Variants in CFAP221 observed in about 807,000 individuals in gnomAD.
CFAP221 encodes the protein cilia- and flagella-associated protein 221.
In CFAP221, 97 loss-of-function variants were observed where a neutral mutation model predicts 113.1. The observed-to-expected ratio is 0.86, with a 90% CI of 0.73 to 1.02. The LOEUF is 1.02. CFAP221 is among the 50% of genes least tolerant of loss of function. The pLI is 0.00. For synonymous variants in CFAP221, 331 were observed against 354.4 expected (o/e 0.93, Z 0.74); for missense variants, 1,025 against 1,013.4 (o/e 1.01, Z -0.16).
chr2:119,545,671 A>G (rs1282633775), intron 1 of CFAP221, among the ~76,000 whole-genome samples: 1 of 152,198 alleles, frequency 6.6e-6, no homozygotes, highest in Non-Finnish European at 1.5e-5. Flanking sequence ...CAAATATTCT[A>G]AGAAACTCAT....
chr2:119,568,460 A>G (rs1681800317), intron 6 of CFAP221, among the ~76,000 whole-genome samples: 2 of 152,082 alleles, frequency 1.3e-5, no homozygotes, highest in Non-Finnish European at 2.9e-5. Flanking sequence ...AGCATGCATT[A>G]GCTATTTTTC....
intron 12 of CFAP221, among the ~76,000 whole-genome samples, chr2:119,608,848 T>A (rs559428425): frequency 3.9e-5 from 6 of 152,328 alleles, no homozygotes; most frequent in Non-Finnish European, 7.3e-5. Context: ...CATTGTATAA[T>A]TTTTTGAAAA....
At chr2:119,549,728 A>G (rs187157390) in intron 3 of CFAP221, among the ~76,000 whole-genome samples, 106 of 152,280 alleles carry the variant, frequency 7.0e-4, no homozygotes, top group Non-Finnish European at 2.5e-4. Context: ...TCAGATGCCC[A>G]TGCCTAATCA....
At chr2:119,606,144 C>T (rs904109600) in intron 11 of CFAP221, among the ~76,000 whole-genome samples, 29 of 151,992 alleles carry the variant, frequency 1.9e-4, no homozygotes, top group Admixed American at 6.5e-5. Context: ...GCTGGGAGCA[C>T]AGGTGCGTGC....
In CFAP221 at chr2:119,656,378, G is replaced by A; in HGVS notation, c.2431G>A (p.Ala811Thr). The change falls in exon 24 of 24, where the codon GCA (alanine) becomes ACA (threonine). Residue 811 changes from alanine (A) to threonine (T), a missense_variant. Transcript: ENST00000413369. The part of the protein sequence containing the change: ...IRKEKEVKDQ[A>T]QPAEKAGEKL... Reference sequence around the variant, plus strand: ...GATACTCAGAGAAGTGAAAGATCAAGCACAACCAGCAGAGAAGGCCGGAGA... The same window carrying A: ...GATACTCAGAGAAGTGAAAGATCAAACACAACCAGCAGAGAAGGCCGGAGA... 6.2e-7 allele frequency: 1 copy of A among 1,614,028 alleles called. No individual in the cohort carries two copies. The highest frequency in any genetic ancestry group is 8.5e-7 in the Non-Finnish European group (1 of 1,179,954).
chr2:119,635,421 A>T (rs570984548), intron 19 of CFAP221, among the ~76,000 whole-genome samples: 10 of 152,342 alleles, frequency 6.6e-5, no homozygotes, highest in African/African-American at 2.4e-4. Context: ...AAAAAAGATT[A>T]CATGCTGTTT....
intron 6 of CFAP221, among the ~76,000 whole-genome samples, chr2:119,569,489 G>A (rs1389842043): frequency 6.6e-6 from 1 of 151,596 alleles, no homozygotes; most frequent in East Asian, 1.9e-4. Flanking sequence ...AGGGTTTTTT[G>A]CCTTTTTTTC....
At chr2:119,580,291 G>A (rs1682756967) in intron 6 of CFAP221, 1 of 152,164 alleles carries the variant, frequency 6.6e-6, no homozygotes, top group South Asian at 2.1e-4. Flanking sequence ...TCATTTTACT[G>A]TTGACTGAAG....
intron 20 of CFAP221, among the ~76,000 whole-genome samples, chr2:119,639,417 C>T (rs1481895434): frequency 6.6e-6 from 1 of 152,214 alleles, no homozygotes; most frequent in African/African-American, 2.4e-5. Context: ...TGCAGCTCTC[C>T]TGCCTGGAGT....
In CFAP221 at chr2:119,549,066, A is replaced by C. The variant is rs769308546; in HGVS notation, c.140-19A>C. 18 of 1,456,998 alleles carry C rather than the reference A, an allele frequency of 1.2e-5. No homozygotes were observed. Among genetic ancestry groups the C allele is most frequent in the Non-Finnish European group, 1.7e-5 (18 of 1,090,182 alleles). 90.3% of individuals were successfully genotyped at this position (1,456,998 alleles called of 1,614,324 possible). A position where few individuals can be genotyped will look rare whatever the true frequency, so the allele number is the denominator to read the frequency against. ...TTCTTTGATGTCTCATGATGTGCTT[A>C]TCTACATTGTTTTTATAGAGGTTTA... On this transcript the variant is annotated intron_variant, in intron 2 of 23. Coordinates refer to ENST00000413369, the MANE Select transcript of CFAP221 (RefSeq NM_001271049.2).
intron 3 of CFAP221, among the ~76,000 whole-genome samples, chr2:119,558,138 G>A (rs530301655): frequency 2.6e-5 from 4 of 152,204 alleles, no homozygotes; most frequent in Admixed American, 2.6e-4. Flanking sequence ...GCTCTTCCTG[G>A]ACTCCAGCTT....
At chr2:119,613,343 C>T (rs1404622758) in intron 13 of CFAP221, among the ~76,000 whole-genome samples, 6 of 152,066 alleles carry the variant, frequency 3.9e-5, no homozygotes, top group Non-Finnish European at 7.4e-5. Context: ...GTGGGGATTC[C>T]GTGTGGGGGC....
intron 19 of CFAP221, among the ~76,000 whole-genome samples, chr2:119,633,777 C>T (rs536981447): frequency 1.3e-5 from 2 of 151,784 alleles, no homozygotes; most frequent in Non-Finnish European, 2.9e-5. Flanking sequence ...TGAGATATTA[C>T]CTAACATCTG....
At chr2:119,624,246 G>T (rs1331875289) in intron 14 of CFAP221, among the ~76,000 whole-genome samples, 2 of 152,218 alleles carry the variant, frequency 1.3e-5, no homozygotes, top group African/African-American at 4.8e-5. Flanking sequence ...AGATGTTTAT[G>T]TGGCCAACAA....
At position 119,639,821 on chromosome 2, in the gene CFAP221, C is replaced by T. The variant is rs191121056; in HGVS notation, c.2174C>T (p.Ser725Phe). The part of the protein sequence containing the change: ...PGIMHWKSFQ[S>F]LVLSSLPDPS... ...ATAATGCACTGGAAAAGCTTCCAGT[C>T]CCTGGTTCTCTCCTCCCTGCCGGAC... The change falls in exon 21 of 24, where the codon TCC (serine) becomes TTC (phenylalanine). Residue 725 changes from serine to phenylalanine, a missense_variant. Coordinates refer to ENST00000413369, the MANE Select transcript of CFAP221 (RefSeq NM_001271049.2). 2 of 1,614,160 alleles carry T rather than the reference C, an allele frequency of 1.2e-6. No homozygotes were observed. The highest frequency in any genetic ancestry group is 1.7e-5 in the Admixed American group (1 of 60,030).
intron 22 of CFAP221, 30 bp from the exon 23 acceptor site, chr2:119,651,944 G>C: frequency 2.0e-6 from 3 of 1,511,818 alleles, no homozygotes; most frequent in Non-Finnish European, 2.7e-6. Flanking sequence ...AGGAAAAGCA[G>C]TGCCCACTAA....
intron 6 of CFAP221, 45 bp from the exon 7 acceptor site, chr2:119,587,074 T>C (rs1373505350): frequency 2.2e-6 from 3 of 1,373,914 alleles, no homozygotes; most frequent in East Asian, 2.5e-5. Context: ...GAACCAGTTA[T>C]AAAGAAAAAT....
At chr2:119,589,187 C>T (rs17049538) in intron 7 of CFAP221, among the ~76,000 whole-genome samples, 28,750 of 152,194 alleles carry the variant, frequency 0.19, 2,902 homozygotes, top group African/African-American at 0.25. Context: ...GTCATCGTTG[C>T]TCCACCAGTC....
chr2:119,607,404 C>T (rs1684848399), intron 11 of CFAP221, among the ~76,000 whole-genome samples: 1 of 151,116 alleles, frequency 6.6e-6, no homozygotes, highest in Non-Finnish European at 1.5e-5. Flanking sequence ...TAACCTAAAA[C>T]AGTTCTCTAG....
Sources: allele counts gnomAD v4.1 joint callset (sites outside exome capture counted in the v4.1 genomes callset), GRCh38; gene constraint gnomAD v4.1.1; transcripts MANE v1.5; gene names NCBI Gene and HGNC (gene_info 2026-07-23, HGNC 2026-07-21).